MTUS2: variants seen among roughly 807,000 people sequenced by gnomAD.
MTUS2 encodes microtubule-associated tumor suppressor candidate 2.
In MTUS2, 40 loss-of-function variants were observed where a neutral mutation model predicts 114.1. That is an observed-to-expected ratio of 0.35 (90% CI 0.27 to 0.46). MTUS2 has a LOEUF of 0.46. MTUS2 is among the 20% of genes least tolerant of loss of function. The pLI is 1.00. For missense variants in MTUS2, 1,679 were observed against 1,705.4 expected, an observed-to-expected ratio of 0.98 and a Z score of 0.27; for synonymous variants, 688 against 672.0, an observed-to-expected ratio of 1.02 and a Z score of -0.37.
At chr13:29,243,319 G>A (rs1029804122) in intron 5 of MTUS2, among the ~76,000 whole-genome samples, 3 of 152,148 alleles carry the variant, frequency 2.0e-5, no homozygotes, top group Non-Finnish European at 4.4e-5. Flanking sequence ...CGGGGATATG[G>A]GAGGAGAACC....
intron 7 of MTUS2, among the ~76,000 whole-genome samples, chr13:29,358,759 G>A (rs375645096): frequency 2.6e-5 from 4 of 152,106 alleles, no homozygotes; most frequent in Admixed American, 6.5e-5. Context: ...CTAGAGCAGC[G>A]GTAGCCAGGG....
chr13:29,337,893 A>T (rs1302034498), intron 7 of MTUS2, among the ~76,000 whole-genome samples: 1 of 151,464 alleles, frequency 6.6e-6, no homozygotes, highest in Non-Finnish European at 1.5e-5. Flanking sequence ...GGTTCAAGCA[A>T]TTCTCCTGCC....
intron 2 of MTUS2, among the ~76,000 whole-genome samples, chr13:28,868,558 G>A (rs895622226): frequency 6.6e-6 from 1 of 152,192 alleles, no homozygotes; most frequent in African/African-American, 2.4e-5. Context: ...GATGGGAATA[G>A]ATGAATGCAT....
intron 9 of MTUS2, among the ~76,000 whole-genome samples, chr13:29,454,946 A>G (rs1167688146): frequency 6.6e-6 from 1 of 152,238 alleles, no homozygotes; most frequent in Admixed American, 6.5e-5. Context: ...ACAGCTATAA[A>G]GCAGACCAAA....
intron 5 of MTUS2, among the ~76,000 whole-genome samples, chr13:29,276,928 A>G (rs1198016178): frequency 6.6e-6 from 1 of 152,156 alleles, no homozygotes; most frequent in Non-Finnish European, 1.5e-5. Context: ...AAATGAATAA[A>G]TAAATAAATA....
At chr13:29,092,043 T>C (rs921822163) in intron 4 of MTUS2, among the ~76,000 whole-genome samples, 1 of 152,106 alleles carries the variant, frequency 6.6e-6, no homozygotes, top group Non-Finnish European at 1.5e-5. Context: ...CAGCCAAAAA[T>C]TTGGTTTAGA....
chr13:29,353,729 C>T, intron 7 of MTUS2, among the ~76,000 whole-genome samples: 1 of 152,156 alleles, frequency 6.6e-6, no homozygotes, highest in Admixed American at 6.5e-5. Flanking sequence ...GCTAATTTTT[C>T]TACACTACTG....
intron 5 of MTUS2, among the ~76,000 whole-genome samples, chr13:29,178,040 G>A (rs935962520): frequency 9.9e-5 from 15 of 152,146 alleles, no homozygotes; most frequent in African/African-American, 3.6e-4. Flanking sequence ...GAGCTGCATT[G>A]TTGTCTGCAG....
chr13:28,927,879 C>T (rs1182816406), intron 2 of MTUS2, among the ~76,000 whole-genome samples: 6 of 152,134 alleles, frequency 3.9e-5, no homozygotes, highest in Non-Finnish European at 8.8e-5. Flanking sequence ...TACAAAGCTA[C>T]AGTAACCAAA....
intron 8 of MTUS2, among the ~76,000 whole-genome samples, chr13:29,389,397 ATATATGTATACACGTGTG>A (rs1566172836): frequency 0.08 from 1,796 of 22,402 alleles, 321 homozygotes; most frequent in South Asian, 0.11. Flanking sequence ...ACGTGTGTGT[ATATATGTATACACGTGTG>A]TGTGTATGTA....
intron 2 of MTUS2, among the ~76,000 whole-genome samples, chr13:28,858,266 G>A (rs1161460): frequency 0.82 from 123,971 of 152,088 alleles, 50,978 homozygotes; most frequent in African/African-American, 0.84. Context: ...TTATGTAAGT[G>A]TATTATACTG....
intron 5 of MTUS2, among the ~76,000 whole-genome samples, chr13:29,136,741 G>C (rs2138982372): frequency 6.6e-6 from 1 of 152,222 alleles, no homozygotes; most frequent in South Asian, 2.1e-4. Context: ...CTATTCATAT[G>C]TATTTTTTGT....
chr13:29,310,423 A>G (rs1407348960), intron 6 of MTUS2, among the ~76,000 whole-genome samples: 1 of 152,228 alleles, frequency 6.6e-6, no homozygotes, highest in Non-Finnish European at 1.5e-5. Flanking sequence ...TACTGTCTCA[A>G]CTGTGAATTA....
intron 2 of MTUS2, among the ~76,000 whole-genome samples, chr13:28,864,747 A>C (rs1734950859): frequency 6.6e-6 from 1 of 152,208 alleles, no homozygotes; most frequent in Admixed American, 6.5e-5. Context: ...TTTTCACTTC[A>C]GTCCTCCCTT....
At chr13:29,295,422 C>T (rs1471478324) in intron 6 of MTUS2, among the ~76,000 whole-genome samples, 2 of 152,172 alleles carry the variant, frequency 1.3e-5, no homozygotes, top group East Asian at 1.9e-4. Flanking sequence ...CTATACTCCC[C>T]TACCCCCTAC....
chr13:28,927,101 C>A (rs1243653296), intron 2 of MTUS2, among the ~76,000 whole-genome samples: 2 of 152,114 alleles, frequency 1.3e-5, no homozygotes, highest in Non-Finnish European at 2.9e-5. Context: ...TTATAGTAAT[C>A]AGATTTTCTT....
At chr13:29,501,378 C>T (rs1027915817) in intron 15 of MTUS2, among the ~76,000 whole-genome samples, 184 bp downstream of exon 15, 7 of 152,158 alleles carry the variant, frequency 4.6e-5, no homozygotes, top group African/African-American at 1.4e-4. Context: ...CACATATCAA[C>T]GGGCCCCACC....
chr13:29,064,939 C>T (rs1263660784), intron 4 of MTUS2, among the ~76,000 whole-genome samples: 1 of 152,286 alleles, frequency 6.6e-6, no homozygotes, highest in Non-Finnish European at 1.5e-5. Flanking sequence ...CATCCATGTT[C>T]CTGCAAAGGA....
In MTUS2 at chr13:29,001,473, G is replaced by A. The variant is rs535666530; in HGVS notation, c.-242-22984G>A. 2.6e-5 allele frequency among the ~76,000 whole-genome samples: 4 copies of A among 152,278 alleles called. No individual in the cohort carries two copies. In the East Asian group the frequency reaches 7.7e-4, roughly 29 times the overall value. ...AAGGAGGAGTCAGGGGTGACTCCAG[G>A]CTGTTTGCCCTGAGCAAATGGAAGG... On this transcript the variant is annotated intron_variant, in intron 2 of 15. Coordinates refer to ENST00000612955, the MANE Select transcript of MTUS2 (RefSeq NM_001033602.4).
Sources: gnomAD v4.1 joint callset for allele counts (sites outside exome capture counted in the v4.1 genomes callset) on GRCh38, gnomAD v4.1.1 for gene constraint, MANE v1.5 for transcripts, NCBI Gene and HGNC (gene_info 2026-07-23, HGNC 2026-07-21) for gene names.